Variants in ZSCAN12 observed in about 807,000 individuals in gnomAD.
ZSCAN12 encodes the protein zinc finger and SCAN domain containing 12, also known as zinc finger and SCAN domain-containing protein 12.
A neutral mutation model predicts 23.4 loss-of-function variants in ZSCAN12; 18 were observed. That is an observed-to-expected ratio of 0.77 (90% CI 0.53 to 1.14). The LOEUF (loss-of-function observed/expected upper bound fraction) is 1.14. ZSCAN12 is among the 50% of genes most tolerant of loss of function. The pLI is 0.00. For missense variants in ZSCAN12, 650 were observed against 735.0 expected (o/e 0.88, Z 1.34); for synonymous variants, 186 against 253.4 (o/e 0.73, Z 2.53).
chr6:28,387,067 C>T lies in ZSCAN12; in HGVS notation c.*3387G>A, dbSNP rs1365571114. Among the ~76,000 whole-genome samples, 2 of 152,108 alleles carry T rather than the reference C, an allele frequency of 1.3e-5. No homozygotes were observed. Among genetic ancestry groups the T allele is most frequent in the East Asian group, 1.9e-4 (1 of 5,190 alleles). On this transcript the variant is annotated 3_prime_UTR_variant, in exon 4 of 4. Transcript: ENST00000684592. ...GTCTCAACCTCCTGACCTCGTGATC[C>T]GCCCACCTCGGCCTCCCAAAGTGCT...
rs1348516381 is a variant in ZSCAN12, at chr6:28,391,136, G to C, written c.1154C>G (p.Pro385Arg). ...HHIKIHTRDK[P>R]YQCTQCNKSF... ...TTTATTACACTGAGTGCACTGATAA[G>C]GTTTGTCTCTTGTGTGGATCTTGAT... Residue 385 changes from proline (P) to arginine (R), a missense_variant, in exon 4 of 4, where the codon CCT becomes CGT. By Grantham distance (103) the Pro-to-Arg change is moderately radical. Coordinates refer to ENST00000684592, the MANE Select transcript of ZSCAN12 (RefSeq NM_001163391.2). This position sits in a 1 kb window ranked among gnomAD's most constrained non-coding sequence, Gnocchi z 4.1. 16 of 1,552,040 alleles carry C rather than the reference G, an allele frequency of 1.0e-5. No homozygotes were observed. Among genetic ancestry groups the C allele is most frequent in the Non-Finnish European group, 1.4e-5 (16 of 1,147,124 alleles).
In ZSCAN12 at chr6:28,389,605, A is replaced by T. The variant is rs1012940059; in HGVS notation, c.*849T>A. The stretch of plus-strand genomic sequence containing the variant: ...AGCAGAATGTGAGTGGGATTCAGGG[A>T]TGTTAAACAAGCTCCAAACATGATT... On this transcript the variant is annotated 3_prime_UTR_variant, in exon 4 of 4. Coordinates refer to ENST00000684592, the MANE Select transcript of ZSCAN12 (RefSeq NM_001163391.2). 1.3e-5 allele frequency among the ~76,000 whole-genome samples: 2 copies of T among 152,314 alleles called. No homozygotes were observed. The highest frequency in any genetic ancestry group is 1.9e-4 in the East Asian group (1 of 5,186).
At position 28,391,544 on chromosome 6, in the gene ZSCAN12, T is replaced by C. The variant is rs1276486556; in HGVS notation, c.746A>G (p.Asp249Gly). Reference protein sequence around the residue: ...CSREDKQPTCDENGVSLTENS... With the variant: ...CSREDKQPTCGENGVSLTENS... ...CTCAGTCAGGCTTACTCCATTTTCA[T>C]CACAGGTAGGTTGTTTATCTTCTCT... The change falls in exon 4 of 4, where the codon GAT (aspartate) becomes GGT (glycine). Residue 249 changes from aspartate to glycine, a missense_variant. Physicochemically the swap from Asp to Gly is moderately conservative, Grantham distance 94. Transcript: ENST00000684592. The surrounding 1 kb of genome is among the most constrained non-coding windows in gnomAD (Gnocchi z 4.1). The C allele has an allele frequency of 1.3e-6, 2 of 1,552,254 alleles. No homozygotes were observed. Among genetic ancestry groups the C allele is most frequent in the Non-Finnish European group, 1.7e-6 (2 of 1,147,116 alleles).
At chr6:28,379,506 AGGAGAATCACTTGAACCT>A (rs1200382797) in exon 5 of ZSCAN12, 2 of 152,350 alleles carry the variant, frequency 1.3e-5, no homozygotes, top group African/African-American at 4.8e-5. Context: ...AGACTGAGAC[AGGAGAATCACTTGAACCT>A]GGGAGGCGGA....
intron 2 of ZSCAN12, 78 bp from the exon 3 acceptor site, chr6:28,393,124 G>A: frequency 1.4e-6 from 2 of 1,457,262 alleles, no homozygotes; most frequent in Non-Finnish European, 1.9e-6. Flanking sequence ...GGCAGTGGCT[G>A]AACCCTGAAA....
At position 28,386,838 on chromosome 6, in the gene ZSCAN12, A is replaced by T. The variant is rs7764737; in HGVS notation, c.*3616T>A. On this transcript the variant is annotated 3_prime_UTR_variant, in exon 4 of 4. Transcript: ENST00000684592. ...CACGTGTATTTTTATTTTTATTTTAATTTTTGTTGAGATGGAGTCTTGCTC... is the reference window on the plus strand; with the variant it reads ...CACGTGTATTTTTATTTTTATTTTATTTTTTGTTGAGATGGAGTCTTGCTC... Among the ~76,000 whole-genome samples the T allele has an allele frequency of 0.35, 53,814 of 151,934 alleles. 10,255 individuals are homozygous for T. The highest frequency in any genetic ancestry group is 0.5 in the African/African-American group (20,532 of 41,408).
In ZSCAN12 at chr6:28,387,108, A is replaced by AG. The variant is rs1760588960; in HGVS notation, c.*3345dup. Among the ~76,000 whole-genome samples, 1 of 152,186 alleles carries AG rather than the reference A, an allele frequency of 6.6e-6. No individual in the cohort carries two copies. Among genetic ancestry groups the AG allele is most frequent in the Non-Finnish European group, 1.5e-5 (1 of 68,038 alleles). On this transcript the variant is annotated 3_prime_UTR_variant, in exon 4 of 4. Transcript: ENST00000684592. ...CCAAAGTGCTGGGATTATAAGTGTG[A>AG]GCCACTGCACCCAGCCTCCACATTT...
Position 28,387,169 on chromosome 6 carries a change from T to C in ZSCAN12, c.*3285A>G, listed in dbSNP as rs17314224. ...AAGTATGAACTGTACCCTCCTATAA[T>C]AGGCATATTCCATTGTTCTGAGTCT... On this transcript the variant is annotated 3_prime_UTR_variant, in exon 4 of 4. Transcript: ENST00000684592. Among the ~76,000 whole-genome samples, 10,468 of 152,272 alleles carry C rather than the reference T, an allele frequency of 0.069. 419 individuals carry two copies. The highest frequency in any genetic ancestry group is 0.17 in the South Asian group (834 of 4,826).
In ZSCAN12 at chr6:28,384,893, C is replaced by T. The variant is rs1237206104; in HGVS notation, c.*5561G>A. On this transcript the variant is annotated 3_prime_UTR_variant, in exon 4 of 4. Transcript: ENST00000684592. Reference sequence around the variant, plus strand: ...CTGCTGTAGTGACTGTGGTATATAACTTTTCGGTTTAAAGGATAAAAGTTG... The same window carrying T: ...CTGCTGTAGTGACTGTGGTATATAATTTTTCGGTTTAAAGGATAAAAGTTG... 6.6e-6 allele frequency among the ~76,000 whole-genome samples: 1 copy of T among 152,134 alleles called. No individual in the cohort carries two copies. The highest frequency in any genetic ancestry group is 2.4e-5 in the African/African-American group (1 of 41,420).
In ZSCAN12 at chr6:28,389,179, T is replaced by C. The variant is rs1217772038; in HGVS notation, c.*1275A>G. Among the ~76,000 whole-genome samples the C allele has an allele frequency of 2.0e-5, 3 of 152,148 alleles. No individual in the cohort carries two copies. Among genetic ancestry groups the C allele is most frequent in the Non-Finnish European group, 4.4e-5 (3 of 68,012 alleles). On this transcript the variant is annotated 3_prime_UTR_variant, in exon 4 of 4. Transcript: ENST00000684592. The stretch of plus-strand genomic sequence containing the variant: ...CTGAGAAATAAAAGAAGGTAAAGCA[T>C]AAAACAGAGAAGAGCACCAGGCCCT...
At chr6:28,393,084 A>AT in intron 2 of ZSCAN12, 38 bp from the exon 3 acceptor site, 3 of 1,545,308 alleles carry the variant, frequency 1.9e-6, no homozygotes, top group Non-Finnish European at 2.6e-6. Flanking sequence ...ACTCACTCTG[A>AT]TAACAGAAAA....
chr6:28,381,803 G>A (rs1427495272), downstream of ZSCAN12: 1 of 152,152 alleles, frequency 6.6e-6, no homozygotes, highest in Non-Finnish European at 1.5e-5. Context: ...AGCATATCTT[G>A]TTATATCATT....
chr6:28,395,223 C>T (rs1761046138), intron 2 of ZSCAN12, among the ~76,000 whole-genome samples: 1 of 152,112 alleles, frequency 6.6e-6, no homozygotes, highest in Non-Finnish European at 1.5e-5. Context: ...GCTTGAGCCA[C>T]CGTGCCTGGC....
rs892329055 is a variant in ZSCAN12 at position 28,389,015 on chromosome 6, C to G, written c.*1439G>C. ...TAGAGTCAACCAGTTTTGGTTGATTCATTTTTCAGAAGCCCAAGGGATAGT... is the reference window on the plus strand; with the variant it reads ...TAGAGTCAACCAGTTTTGGTTGATTGATTTTTCAGAAGCCCAAGGGATAGT... On this transcript the variant is annotated 3_prime_UTR_variant, in exon 4 of 4. Transcript: ENST00000684592. Among the ~76,000 whole-genome samples the G allele has an allele frequency of 5.9e-5, 9 of 152,156 alleles. No individual in the cohort carries two copies. The highest frequency in any genetic ancestry group is 1.3e-4 in the Non-Finnish European group (9 of 68,016).
chr6:28,393,772 G>A (rs1365339244), intron 2 of ZSCAN12, among the ~76,000 whole-genome samples: 1 of 148,686 alleles, frequency 6.7e-6, no homozygotes, highest in African/African-American at 2.5e-5. Flanking sequence ...GGGAACAAAT[G>A]AGGAGAAAGA....
chr6:28,390,686 CG>C lies in ZSCAN12; in HGVS notation c.1603del (p.Arg535GlufsTer91). On this transcript the variant is annotated frameshift_variant, in exon 4 of 4. Coordinates refer to ENST00000684592, the MANE Select transcript of ZSCAN12 (RefSeq NM_001163391.2). LOFTEE classifies it low-confidence loss of function (END_TRUNC). Reference sequence around the variant, plus strand: ...ATGCTGAATGAGGCTGGTGATTCCTCGGAAGGCATTCCCACACTCATCACAC... The same window carrying C: ...ATGCTGAATGAGGCTGGTGATTCCTCGAAGGCATTCCCACACTCATCACAC... ...YKCDECGNAF[R>X]GITSLIQHQR... 6.2e-7 allele frequency: 1 copy of C among 1,612,656 alleles called. No individual in the cohort carries two copies. Among genetic ancestry groups the C allele is most frequent in the East Asian group, 2.2e-5 (1 of 44,826 alleles).
intron 1 of ZSCAN12, among the ~76,000 whole-genome samples, chr6:28,398,932 C>CAAAAAAAAAAA (rs369893339): frequency 7.9e-4 from 72 of 90,760 alleles, no homozygotes; most frequent in African/African-American, 1.4e-3. Flanking sequence ...GACTCCGTCT[C>CAAAAAAAAAAA]AAAAAAAAAA....
downstream of ZSCAN12, among the ~76,000 whole-genome samples, chr6:28,384,664 T>C (rs145153940): frequency 1.3e-5 from 2 of 152,316 alleles, no homozygotes; most frequent in Admixed American, 1.3e-4. Flanking sequence ...ATAGTTGGCT[T>C]TGTCAACATC....
At chr6:28,396,629 G>A (rs1294250702) in intron 2 of ZSCAN12, among the ~76,000 whole-genome samples, 1 of 151,962 alleles carries the variant, frequency 6.6e-6, no homozygotes, top group African/African-American at 2.4e-5. Context: ...TTTTTAAACG[G>A]AGTCTCACTC....
Sources: allele counts gnomAD v4.1 joint callset (sites outside exome capture counted in the v4.1 genomes callset), GRCh38; gene constraint gnomAD v4.1.1; non-coding constraint Gnocchi (gnomAD v3.1); transcripts MANE v1.5; gene names NCBI Gene and HGNC (gene_info 2026-07-23, HGNC 2026-07-21).